KLRG1: variants seen among roughly 807,000 people sequenced by gnomAD.
KLRG1 encodes killer cell lectin like receptor G1.
KLRG1 carries 16 observed loss-of-function variants against 21.8 expected under a neutral mutation model. The ratio of observed to expected loss-of-function variants is 0.73; its 90% CI spans 0.50 to 1.11. The LOEUF is 1.11. Ranked by LOEUF, KLRG1 falls within the 50% of genes most tolerant of loss-of-function variation. The pLI is 0.00. For synonymous variants in KLRG1, 69 were observed against 75.9 expected, an observed-to-expected ratio of 0.91 and a Z score of 0.47; for missense variants, 173 against 218.3, an observed-to-expected ratio of 0.79 and a Z score of 1.31.
chr12:9,194,058 T>C, the KLRG1 span: 16 of 1,600,628 alleles, frequency 1.0e-5, no homozygotes, highest in Middle Eastern at 1.7e-4. Context: ...TCCTCAGAGA[T>C]TTGTCTTTCT....
chr12:9,077,413 A>C, the KLRG1 span: 1 of 1,612,498 alleles, frequency 6.2e-7, no homozygotes, highest in South Asian at 1.1e-5. Context: ...TTCATCTTCT[A>C]CTCCTCCCTG....
the KLRG1 span, among the ~76,000 whole-genome samples, chr12:9,155,325 C>T: frequency 6.6e-6 from 1 of 151,816 alleles, no homozygotes; most frequent in Admixed American, 6.6e-5. Flanking sequence ...TGAATCAGTC[C>T]GTTTTTGTTG....
At chr12:9,077,635 A>G in the KLRG1 span, 7 of 1,574,358 alleles carry the variant, frequency 4.4e-6, no homozygotes, top group East Asian at 2.2e-5. Context: ...TCACATTATC[A>G]CTTCCTATCC....
chr12:9,154,689 A>T, the KLRG1 span: 1 of 1,614,206 alleles, frequency 6.2e-7, no homozygotes, highest in South Asian at 1.1e-5. Flanking sequence ...TGCAGAGGTC[A>T]GGTCCCCTGA....
At chr12:9,161,371 A>G in the KLRG1 span, among the ~76,000 whole-genome samples, 1 of 152,226 alleles carries the variant, frequency 6.6e-6, no homozygotes, top group East Asian at 1.9e-4. Flanking sequence ...TAGAGTTAGC[A>G]GTAATATTAT....
At chr12:9,210,792 C>T in the KLRG1 span, among the ~76,000 whole-genome samples, 1 of 152,004 alleles carries the variant, frequency 6.6e-6, no homozygotes, top group Non-Finnish European at 1.5e-5. Context: ...AAACATCCTC[C>T]CATGTTTATA....
At chr12:9,017,281 A>G in the KLRG1 span, among the ~76,000 whole-genome samples, 3 of 150,460 alleles carry the variant, frequency 2.0e-5, no homozygotes, top group Non-Finnish European at 4.4e-5. Flanking sequence ...AAAAAAAAAA[A>G]AAAAAAAAAG....
chr12:9,159,961 A>G, the KLRG1 span: 39 of 1,613,504 alleles, frequency 2.4e-5, no homozygotes, highest in Admixed American at 2.2e-4. Flanking sequence ...GGTTCCTGCC[A>G]TATCGTTCCC....
At chr12:9,060,156 C>A in the KLRG1 span, among the ~76,000 whole-genome samples, 22,861 of 151,810 alleles carry the variant, frequency 0.15, 1,847 homozygotes, top group African/African-American at 0.19. Context: ...AGGTGCCCGC[C>A]ACCACATCCG....
At chr12:9,139,756 A>C in the KLRG1 span, among the ~76,000 whole-genome samples, 1 of 152,158 alleles carries the variant, frequency 6.6e-6, no homozygotes, top group Non-Finnish European at 1.5e-5. Context: ...TCCTCCTGTA[A>C]GAGTTAAAGA....
chr12:9,081,091 A>G, the KLRG1 span, among the ~76,000 whole-genome samples: 1 of 152,202 alleles, frequency 6.6e-6, no homozygotes, highest in African/African-American at 2.4e-5. Context: ...AACAAAGTTA[A>G]AAAAATGACC....
the KLRG1 span, chr12:9,204,010 A>G: frequency 1.4e-6 from 2 of 1,451,706 alleles, no homozygotes; most frequent in Non-Finnish European, 1.9e-6. Flanking sequence ...GTTTTCATCC[A>G]TAAATGTGTT....
At chr12:9,009,403 T>C (rs1410776974) in intron 4 of KLRG1, 23 bp from the exon 5 acceptor site, 4 of 1,613,406 alleles carry the variant, frequency 2.5e-6, no homozygotes, top group South Asian at 2.2e-5. Flanking sequence ...CCTTAAGTGA[T>C]TGACTTTTCT....
At chr12:9,147,460 T>C in the KLRG1 span, among the ~76,000 whole-genome samples, 13 of 152,204 alleles carry the variant, frequency 8.5e-5, no homozygotes, top group Non-Finnish European at 1.9e-4. Context: ...TTCTGTTTTT[T>C]AGCCTCTCAT....
the KLRG1 span, chr12:9,099,532 C>T: frequency 1.9e-6 from 3 of 1,603,896 alleles, no homozygotes; most frequent in Admixed American, 1.7e-5. Flanking sequence ...CACTGGGGCA[C>T]AAAGAGAATG....
At chr12:9,041,156 T>A in the KLRG1 span, among the ~76,000 whole-genome samples, 1 of 152,038 alleles carries the variant, frequency 6.6e-6, no homozygotes, top group Non-Finnish European at 1.5e-5. Context: ...GCCAACATGG[T>A]GAAACCCTGT....
In KLRG1 at chr12:8,989,607, C is replaced by T; in HGVS notation, c.-29C>T. Reference sequence around the variant, plus strand: ...TCACACTTCTATAATTTAACTCTCTCAACTGCATGTGAAAGATCTTAGCTG... The same window carrying T: ...TCACACTTCTATAATTTAACTCTCTTAACTGCATGTGAAAGATCTTAGCTG... On this transcript the variant is annotated 5_prime_UTR_variant, in exon 1 of 5. Transcript: ENST00000356986. 1 of 1,444,494 alleles carries T rather than the reference C, an allele frequency of 6.9e-7. No individual in the cohort carries two copies. Among genetic ancestry groups the T allele is most frequent in the Non-Finnish European group, 9.7e-7 (1 of 1,028,976 alleles). 89.5% of individuals were successfully genotyped at this position (1,444,494 alleles called of 1,614,324 possible).
At chr12:9,111,619 A>G in the KLRG1 span, 1 of 434,658 alleles carries the variant, frequency 2.3e-6, no homozygotes. Flanking sequence ...TGGAGCTAGA[A>G]GAGAAGAGTT....
intron 1 of KLRG1, among the ~76,000 whole-genome samples, chr12:8,972,219 G>A (rs375860608): frequency 1.9e-4 from 29 of 152,026 alleles, no homozygotes; most frequent in East Asian, 5.8e-4. Flanking sequence ...GTGCAGTGGC[G>A]CAATCTCAGC....
Sources: allele counts gnomAD v4.1 joint callset (sites outside exome capture counted in the v4.1 genomes callset), GRCh38; gene constraint gnomAD v4.1.1; transcripts MANE v1.5; gene names NCBI Gene and HGNC (gene_info 2026-07-23, HGNC 2026-07-21).